Variants in SSBP3 observed in about 807,000 individuals in gnomAD.
SSBP3 encodes the protein single-stranded DNA-binding protein 3.
SSBP3 carries 5 observed loss-of-function variants against 69.6 expected under a neutral mutation model. That is an observed-to-expected ratio of 0.07 (90% CI 0.04 to 0.15). SSBP3 has a LOEUF of 0.15. Ranked by LOEUF, SSBP3 falls within the 10% of genes least tolerant of loss-of-function variation. SSBP3 has a pLI of 1.00. For missense variants in SSBP3, 312 were observed against 534.0 expected, an observed-to-expected ratio of 0.58 and a Z score of 4.10; for synonymous variants, 196 against 193.4, an observed-to-expected ratio of 1.01 and a Z score of -0.11.
chr1:54,368,919 T>G (rs922219501), intron 4 of SSBP3, among the ~76,000 whole-genome samples: 1 of 152,142 alleles, frequency 6.6e-6, no homozygotes, highest in African/African-American at 2.4e-5. Context: ...CAGAGGTACC[T>G]AGATCTGTGC....
intron 13 of SSBP3, among the ~76,000 whole-genome samples, chr1:54,240,087 T>TGTGTGTGTGTGTGC (rs1159547661): frequency 3.5e-4 from 15 of 42,352 alleles, no homozygotes; most frequent in Admixed American, 5.0e-4. Flanking sequence ...TGTGTGTGTG[T>TGTGTGTGTGTGTGC]GCGCGCGCGC....
intron 4 of SSBP3, among the ~76,000 whole-genome samples, chr1:54,365,293 C>A (rs368450699): frequency 4.9e-4 from 74 of 152,272 alleles, no homozygotes; most frequent in South Asian, 1.5e-3. Flanking sequence ...ACAGGTACGA[C>A]AGGGTGAGGA....
At chr1:54,278,547 T>C (rs909881593) in intron 5 of SSBP3, among the ~76,000 whole-genome samples, 1 of 152,206 alleles carries the variant, frequency 6.6e-6, no homozygotes, top group African/African-American at 2.4e-5. Context: ...GTCAGAGGCC[T>C]GCAGAAGCAA....
chr1:54,341,793 T>C (rs1325141519), intron 4 of SSBP3, among the ~76,000 whole-genome samples: 2 of 151,252 alleles, frequency 1.3e-5, no homozygotes, highest in African/African-American at 4.9e-5. Flanking sequence ...ACAGGGTCCC[T>C]AGGAAGTACC....
chr1:54,288,923 G>C (rs1645543234), intron 4 of SSBP3, among the ~76,000 whole-genome samples: 1 of 150,668 alleles, frequency 6.6e-6, no homozygotes, highest in South Asian at 2.1e-4. Flanking sequence ...AGGAGGCTGA[G>C]GCAGGAGACT....
intron 4 of SSBP3, chr1:54,286,358 G>GTGA (rs1373800312): frequency 6.6e-6 from 1 of 152,196 alleles, no homozygotes; most frequent in African/African-American, 2.4e-5. Context: ...CTTAAACAGG[G>GTGA]TGATGAGGCC....
intron 4 of SSBP3, among the ~76,000 whole-genome samples, chr1:54,314,821 G>A (rs146991867): frequency 5.1e-4 from 78 of 152,278 alleles, no homozygotes; most frequent in Non-Finnish European, 3.8e-4. Context: ...GGCTTCCAGT[G>A]TCCCCTCCCA....
At chr1:54,313,090 G>A (rs1052740750) in intron 4 of SSBP3, among the ~76,000 whole-genome samples, 7 of 149,942 alleles carry the variant, frequency 4.7e-5, no homozygotes, top group South Asian at 2.1e-4. Flanking sequence ...ATCTGGGGTC[G>A]TGCTAGGGTT....
intron 4 of SSBP3, among the ~76,000 whole-genome samples, chr1:54,304,338 G>C (rs1260237972): frequency 1.3e-5 from 2 of 151,004 alleles, no homozygotes. Context: ...CAGTCACCTA[G>C]TGTCCTTCCA....
chr1:54,263,627 A>G (rs907535553), intron 5 of SSBP3, among the ~76,000 whole-genome samples: 8 of 152,172 alleles, frequency 5.3e-5, no homozygotes, highest in Admixed American at 1.3e-4. Context: ...GCTGAAGGCC[A>G]CATATCCTTT....
exon 1 of SSBP3, chr1:54,406,056 G>GCCGCCGCCGCTA: frequency 7.2e-7 from 1 of 1,384,592 alleles, no homozygotes; most frequent in Non-Finnish European, 9.6e-7. Context: ...CGCCGCCGCC[G>GCCGCCGCCGCTA]CCGCTACCGC....
intron 4 of SSBP3, among the ~76,000 whole-genome samples, chr1:54,310,546 T>C (rs1428924359): frequency 2.0e-5 from 3 of 152,194 alleles, no homozygotes; most frequent in Non-Finnish European, 1.5e-5. Context: ...TAAAAAGCAC[T>C]ACCTGCATTA....
intron 4 of SSBP3, among the ~76,000 whole-genome samples, chr1:54,359,751 C>G (rs954505861): frequency 6.6e-6 from 1 of 152,148 alleles, no homozygotes; most frequent in East Asian, 1.9e-4. Context: ...TCAGAAAATA[C>G]GTTTCAGAGA....
chr1:54,297,401 G>A (rs916043186), intron 4 of SSBP3, among the ~76,000 whole-genome samples: 3 of 152,202 alleles, frequency 2.0e-5, no homozygotes, highest in African/African-American at 7.2e-5. Context: ...AGGCCAAGGC[G>A]GGCGGATCAC....
At chr1:54,347,250 G>T (rs923521071) in intron 4 of SSBP3, among the ~76,000 whole-genome samples, 1 of 151,546 alleles carries the variant, frequency 6.6e-6, no homozygotes, top group Non-Finnish European at 1.5e-5. Context: ...TTAGAGGTGT[G>T]AGCCACCGTG....
chr1:54,244,324 G>A (rs148555915), intron 9 of SSBP3, among the ~76,000 whole-genome samples: 2,752 of 146,812 alleles, frequency 0.019, 87 homozygotes, highest in African/African-American at 0.064. Flanking sequence ...GGCTGGTCTC[G>A]AACTCCTTAC....
exon 7 of SSBP3, chr1:54,257,184 A>T (rs1280840048): frequency 5.6e-6 from 9 of 1,598,614 alleles, no homozygotes; most frequent in Non-Finnish European, 6.8e-6. Flanking sequence ...GTGACATAAA[A>T]GGCTGCAATT....
chr1:54,234,675 G>C (rs1401521256), intron 14 of SSBP3, among the ~76,000 whole-genome samples: 1 of 152,036 alleles, frequency 6.6e-6, no homozygotes, highest in Non-Finnish European at 1.5e-5. Flanking sequence ...TTCTGCCCTA[G>C]GATACATTAG....
intron 4 of SSBP3, among the ~76,000 whole-genome samples, chr1:54,309,101 A>G (rs1224891953): frequency 6.6e-6 from 1 of 152,192 alleles, no homozygotes; most frequent in Non-Finnish European, 1.5e-5. Context: ...GGTGCATCCC[A>G]TGCGGACAAG....
Sources: gnomAD v4.1 joint callset for allele counts (sites outside exome capture counted in the v4.1 genomes callset) on GRCh38, gnomAD v4.1.1 for gene constraint, MANE v1.5 for transcripts, NCBI Gene and HGNC (gene_info 2026-07-23, HGNC 2026-07-21) for gene names.